Variants in EYS observed in about 807,000 individuals in gnomAD.
The protein encoded by EYS is EGF-like photoreceptor maintenance factor, also known as protein eyes shut homolog.
A neutral mutation model predicts 282.1 loss-of-function variants in EYS; 250 were observed. That is an observed-to-expected ratio of 0.89 (90% confidence interval 0.80 to 0.98). EYS has a LOEUF of 0.98. EYS is among the 50% of genes least tolerant of loss of function. The pLI, the probability that EYS is intolerant of heterozygous loss-of-function variation, is 0.00. For missense variants in EYS, 4,016 were observed against 3,709.0 expected (o/e 1.08, Z -2.15); for synonymous variants, 1,355 against 1,282.9 (o/e 1.06, Z -1.20).
intron 26 of EYS, among the ~76,000 whole-genome samples, chr6:64,482,684 A>G (rs1449157455): frequency 6.6e-6 from 1 of 151,722 alleles, no homozygotes; most frequent in African/African-American, 2.4e-5. Flanking sequence ...TTGTCTTATT[A>G]TTGATATGAC....
At chr6:65,230,376 T>TA (rs34230737) in intron 12 of EYS, among the ~76,000 whole-genome samples, 100,731 of 151,328 alleles carry the variant, frequency 0.67, 34,793 homozygotes, top group East Asian at 0.89. Context: ...AGCAACCATC[T>TA]ATGAGGTCAA....
intron 12 of EYS, among the ~76,000 whole-genome samples, chr6:65,191,948 CT>C (rs60578566): frequency 0.3 from 43,639 of 145,898 alleles, 6,402 homozygotes; most frequent in African/African-American, 0.32. Flanking sequence ...TTCATTTGTA[CT>C]TTTTTTTTTT....
At chr6:64,207,435 CA>C (rs1765643613) in intron 31 of EYS, among the ~76,000 whole-genome samples, 2 of 152,048 alleles carry the variant, frequency 1.3e-5, no homozygotes, top group Non-Finnish European at 2.9e-5. Context: ...CAGCAGAAAA[CA>C]GACTAAGAGA....
chr6:64,598,334 G>A (rs901229038), intron 24 of EYS, among the ~76,000 whole-genome samples: 3 of 152,126 alleles, frequency 2.0e-5, no homozygotes, highest in Non-Finnish European at 2.9e-5. Flanking sequence ...GGTGGCGGGC[G>A]TCTGTAGTCC....
chr6:63,803,570 G>A (rs535856954), intron 37 of EYS, among the ~76,000 whole-genome samples: 8 of 152,286 alleles, frequency 5.3e-5, no homozygotes, highest in African/African-American at 1.9e-4. Context: ...GAGGGGAACC[G>A]CTGGGGAAAT....
At chr6:65,204,344 A>G (rs551425727) in intron 12 of EYS, among the ~76,000 whole-genome samples, 8 of 151,916 alleles carry the variant, frequency 5.3e-5, no homozygotes, top group Non-Finnish European at 1.2e-4. Flanking sequence ...AGAAAATGCC[A>G]TCAGACTACA....
chr6:64,920,662 C>A (rs1768315902), intron 15 of EYS, among the ~76,000 whole-genome samples: 1 of 151,960 alleles, frequency 6.6e-6, no homozygotes, highest in Admixed American at 6.6e-5. Flanking sequence ...ATATCCATAC[C>A]TATACCCACA....
intron 22 of EYS, among the ~76,000 whole-genome samples, chr6:64,754,292 G>A (rs1772859017): frequency 6.6e-6 from 1 of 151,976 alleles, no homozygotes. Flanking sequence ...TATTGAACCA[G>A]GAAGAAACAG....
At chr6:65,443,645 ATG>A (rs3049733) in intron 5 of EYS, among the ~76,000 whole-genome samples, 27,847 of 151,252 alleles carry the variant, frequency 0.18, 3,198 homozygotes, top group Middle Eastern at 0.29. Flanking sequence ...AGGCACATAT[ATG>A]TGTCTATACA....
At chr6:65,549,999 G>A (rs1768543192) in intron 2 of EYS, among the ~76,000 whole-genome samples, 1 of 95,626 alleles carries the variant, frequency 1.0e-5, no homozygotes, top group East Asian at 4.6e-4. Flanking sequence ...CATCCTCCCT[G>A]GACCAGTGGT....
intron 41 of EYS, chr6:63,741,886 T>C (rs938363886): frequency 1.4e-6 from 1 of 702,080 alleles, no homozygotes; most frequent in African/African-American, 1.7e-5. Flanking sequence ...CGTATGTTTT[T>C]GTTTTGCTGT....
At chr6:64,419,945 C>T (rs373642080) in intron 28 of EYS, among the ~76,000 whole-genome samples, 22 of 152,306 alleles carry the variant, frequency 1.4e-4, no homozygotes, top group Non-Finnish European at 2.4e-4. Context: ...GGATTCTGTG[C>T]GGGGTCTTTG....
intron 5 of EYS, among the ~76,000 whole-genome samples, chr6:65,443,839 A>G (rs946838043): frequency 6.6e-6 from 1 of 151,886 alleles, no homozygotes; most frequent in African/African-American, 2.4e-5. Context: ...TGTTAAGAAT[A>G]TTAATCAAAT....
At chr6:65,091,407 T>C (rs116397770) in intron 12 of EYS, among the ~76,000 whole-genome samples, 3,649 of 150,516 alleles carry the variant, frequency 0.024, 109 homozygotes, top group African/African-American at 0.072. Flanking sequence ...CTTAGATCAC[T>C]CCATTGCACT....
intron 30 of EYS, 117 bp downstream of exon 30, chr6:64,306,853 C>A: frequency 4.7e-6 from 3 of 640,856 alleles, no homozygotes; most frequent in South Asian, 1.8e-5. Context: ...GAATGTGAAG[C>A]AAAAACAAAG....
intron 2 of EYS, among the ~76,000 whole-genome samples, chr6:65,592,459 GAAAT>G (rs1765263341): frequency 1.3e-5 from 2 of 151,654 alleles, no homozygotes; most frequent in Non-Finnish European, 2.9e-5. Context: ...TTATTTACTT[GAAAT>G]AAATAAACAA....
intron 12 of EYS, among the ~76,000 whole-genome samples, chr6:65,072,944 G>T (rs1425680483): frequency 6.6e-6 from 1 of 150,882 alleles, no homozygotes; most frequent in Non-Finnish European, 1.5e-5. Flanking sequence ...GCAAAAGAAA[G>T]AAAATGAACA....
In EYS at chr6:65,129,825, A is replaced by T. The variant is rs188117040; in HGVS notation, c.2024-72098T>A. Among the ~76,000 whole-genome samples the T allele has an allele frequency of 1.2e-3, 190 of 152,082 alleles. 2 individuals are homozygous for T. The highest frequency in any genetic ancestry group is 4.3e-3 in the African/African-American group (179 of 41,544). On this transcript the variant is annotated intron_variant, in intron 12 of 42. Coordinates refer to ENST00000503581, the MANE Select transcript of EYS (RefSeq NM_001142800.2). The stretch of plus-strand genomic sequence containing the variant: ...ATACTGGATATACACTCAACGGAAA[A>T]TAAATCATTCTGCCAAAAAGACACA...
chr6:65,025,869 A>T (rs1222205977), intron 13 of EYS, among the ~76,000 whole-genome samples: 1 of 152,222 alleles, frequency 6.6e-6, no homozygotes, highest in Non-Finnish European at 1.5e-5. Context: ...ACCATTAGAA[A>T]AAACTCCCCA....
Sources: allele counts gnomAD v4.1 joint callset (sites outside exome capture counted in the v4.1 genomes callset), GRCh38; gene constraint gnomAD v4.1.1; transcripts MANE v1.5; gene names NCBI Gene and HGNC (gene_info 2026-07-23, HGNC 2026-07-21).